The following PHC3 variants were observed in gnomAD, a reference collection of about 807,000 sequenced individuals.
PHC3 encodes polyhomeotic homolog 3.
In PHC3, 13 loss-of-function variants were observed where a neutral mutation model predicts 107.4. The ratio of observed to expected loss-of-function variants is 0.12; its 90% confidence interval spans 0.08 to 0.19. The LOEUF (loss-of-function observed/expected upper bound fraction) is 0.19. Ranked by LOEUF, PHC3 falls within the 10% of genes least tolerant of loss-of-function variation. The pLI is 1.00. For synonymous variants in PHC3, 456 were observed against 427.4 expected (o/e 1.07, Z -0.83); for missense variants, 992 against 1,210.9 (o/e 0.82, Z 2.68).
Position 170,129,561 on chromosome 3 carries a change from GA to G in PHC3, c.920-10del, listed in dbSNP as rs751245714. 9 of 1,591,138 alleles carry G rather than the reference GA, an allele frequency of 5.7e-6. No homozygotes were observed. In the African/African-American group the frequency reaches 9.6e-5, roughly 17 times the overall value. On this transcript the variant is annotated splice_polypyrimidine_tract_variant and intron_variant, in intron 7 of 14. Coordinates refer to ENST00000495893, the MANE Select transcript of PHC3 (RefSeq NM_024947.4). ...AATTGGAGAATATGAAGCTGTGAGA[GA>G]AAAAAATGACAATTAGTACTGATTT...
rs762849687 is a variant in PHC3, at chr3:170,128,313, C to A, written c.1788+371G>T. The A allele has an allele frequency of 4.3e-5, 53 of 1,221,552 alleles. No homozygotes were observed. In the African/African-American group the frequency reaches 8.1e-4, roughly 19 times the overall value. The allele number at this position is 1,221,552 out of a possible 1,614,324, so 75.7% of individuals were successfully genotyped here. A position where few individuals can be genotyped will look rare whatever the true frequency, so the allele number is the denominator to read the frequency against. ...TACGTTTTGAGAACATACAAGCCAA[C>A]AGAAGGGATCTATGAAGGATAATCA... On this transcript the variant is annotated intron_variant, in intron 8 of 14. Coordinates refer to ENST00000495893, the MANE Select transcript of PHC3 (RefSeq NM_024947.4).
intron 2 of PHC3, among the ~76,000 whole-genome samples, chr3:170,175,504 C>G (rs1283028604): frequency 1.3e-5 from 2 of 151,892 alleles, no homozygotes; most frequent in South Asian, 2.1e-4. Flanking sequence ...AGCATAGTCA[C>G]ATGTGCCTGT....
At chr3:170,109,966 TA>T (rs61266926) in intron 11 of PHC3, among the ~76,000 whole-genome samples, 67,278 of 151,792 alleles carry the variant, frequency 0.44, 15,181 homozygotes, top group East Asian at 0.69. Flanking sequence ...CTTGGGAAAT[TA>T]AAACTAGAAA....
intron 8 of PHC3, among the ~76,000 whole-genome samples, chr3:170,124,825 C>T (rs1250890435): frequency 1.3e-5 from 2 of 151,940 alleles, no homozygotes; most frequent in Non-Finnish European, 2.9e-5. Context: ...ACCAGCAAAA[C>T]CCATGTGTTG....
chr3:170,170,244 T>C (rs1729378637), intron 4 of PHC3: 1 of 151,948 alleles, frequency 6.6e-6, no homozygotes, highest in Admixed American at 6.6e-5. Context: ...ATCAAAGTAT[T>C]ACCATTCTGG....
At chr3:170,169,905 G>A (rs1184466080) in intron 4 of PHC3, 2 of 152,030 alleles carry the variant, frequency 1.3e-5, no homozygotes, top group Non-Finnish European at 2.9e-5. Flanking sequence ...AAAGACATCT[G>A]ATGTCAATGA....
intron 11 of PHC3, among the ~76,000 whole-genome samples, chr3:170,111,103 A>T (rs956438411): frequency 3.9e-5 from 6 of 152,214 alleles, no homozygotes; most frequent in Non-Finnish European, 7.3e-5. Context: ...AAATGACTTT[A>T]AAAAGTTAGG....
intron 11 of PHC3, among the ~76,000 whole-genome samples, chr3:170,109,801 A>G (rs899559088): frequency 1.3e-5 from 2 of 152,122 alleles, no homozygotes; most frequent in African/African-American, 4.8e-5. Flanking sequence ...ACCACAGTTT[A>G]TCCTTTATAT....
At chr3:170,119,658 ATCTG>A (rs1719813289) in intron 9 of PHC3, among the ~76,000 whole-genome samples, 1 of 152,180 alleles carries the variant, frequency 6.6e-6, no homozygotes, top group African/African-American at 2.4e-5. Flanking sequence ...TTTGCCACAA[ATCTG>A]TCTATTCTCA....
chr3:170,178,894 C>T lies in PHC3; in HGVS notation c.59G>A (p.Gly20Glu). Residue 20 changes from glycine (G) to glutamate (E), a missense_variant, in exon 2 of 15, where the codon GGA becomes GAA. By Grantham distance (98) the Gly-to-Glu change is moderately conservative. Around this residue, in one of 6 missense-constraint regions of PHC3, gnomAD observed 161 missense variants for 183.7 expected, o/e 0.88. Transcript: ENST00000495893. ...STAMDTEPNPGTSSVSTTTSS... is the reference protein window; with the variant it reads ...STAMDTEPNPETSSVSTTTSS... ...GGTTGTTGTTGACACAGAAGATGTT[C>T]CCGGGTTTGGTTCAGTATCCATAGC... 6.2e-7 allele frequency: 1 copy of T among 1,613,790 alleles called. No individual in the cohort carries two copies. The highest frequency in any genetic ancestry group is 1.1e-5 in the South Asian group (1 of 91,048).
intron 6 of PHC3, among the ~76,000 whole-genome samples, chr3:170,143,962 T>C (rs1724525950): frequency 6.6e-6 from 1 of 152,096 alleles, no homozygotes; most frequent in Non-Finnish European, 1.5e-5. Flanking sequence ...AAGAACCTTA[T>C]ACCAAGGTTC....
At chr3:170,173,352 A>G (rs887142468) in intron 2 of PHC3, among the ~76,000 whole-genome samples, 4 of 152,254 alleles carry the variant, frequency 2.6e-5, no homozygotes, top group African/African-American at 9.6e-5. Flanking sequence ...AAGATTTAAA[A>G]GAATACTACT....
At chr3:170,154,821 C>A (rs1441135849) in intron 4 of PHC3, among the ~76,000 whole-genome samples, 3 of 152,156 alleles carry the variant, frequency 2.0e-5, no homozygotes, top group African/African-American at 7.2e-5. Context: ...GCAAGAAGTC[C>A]ATCTCCCTAG....
At chr3:170,166,122 G>A (rs1728710067) in intron 4 of PHC3, among the ~76,000 whole-genome samples, 1 of 151,412 alleles carries the variant, frequency 6.6e-6, no homozygotes, top group Admixed American at 6.6e-5. Flanking sequence ...TCGGCTCATT[G>A]CAACCTCCGC....
At chr3:170,120,472 C>T (rs1366567073) in intron 9 of PHC3, among the ~76,000 whole-genome samples, 2 of 151,898 alleles carry the variant, frequency 1.3e-5, no homozygotes, top group African/African-American at 2.4e-5. Context: ...ACTCAGGATA[C>T]TGAAGCAGGA....
chr3:170,151,041 T>A (rs1225323238), intron 4 of PHC3, among the ~76,000 whole-genome samples: 2 of 151,950 alleles, frequency 1.3e-5, no homozygotes, highest in Non-Finnish European at 2.9e-5. Context: ...TGAAATCCCA[T>A]TTCTACTAAA....
At chr3:170,159,016 C>T (rs1450823455) in intron 4 of PHC3, among the ~76,000 whole-genome samples, 2 of 151,676 alleles carry the variant, frequency 1.3e-5, no homozygotes, top group Non-Finnish European at 2.9e-5. Flanking sequence ...CTTTGGGAGG[C>T]CAAGGCGGGC....
chr3:170,157,739 T>A (rs530727087), intron 4 of PHC3, among the ~76,000 whole-genome samples: 2 of 152,276 alleles, frequency 1.3e-5, no homozygotes, highest in South Asian at 2.1e-4. Context: ...GACTCTGATA[T>A]GTGGCTGATG....
At chr3:170,164,775 T>C (rs1477900196) in intron 4 of PHC3, among the ~76,000 whole-genome samples, 1 of 151,666 alleles carries the variant, frequency 6.6e-6, no homozygotes, top group Non-Finnish European at 1.5e-5. Flanking sequence ...CAAACAAAAA[T>C]CCCCAACAAA....
Sources: allele counts gnomAD v4.1 joint callset (sites outside exome capture counted in the v4.1 genomes callset), GRCh38; gene constraint gnomAD v4.1.1; regional missense constraint gnomAD v4.1.1; transcripts MANE v1.5; gene names NCBI Gene and HGNC (gene_info 2026-07-23, HGNC 2026-07-21).